NRXN1: variants seen among roughly 807,000 people sequenced by gnomAD.
NRXN1 encodes the protein neurexin-1.
In NRXN1, 39 loss-of-function variants were observed where a neutral mutation model predicts 150.9. That is an observed-to-expected ratio of 0.26 (90% confidence interval 0.20 to 0.34). The LOEUF is 0.34. Ranked by LOEUF, NRXN1 falls within the 10% of genes least tolerant of loss-of-function variation. The pLI, the probability that NRXN1 is intolerant of heterozygous loss-of-function variation, is 1.00. For synonymous variants in NRXN1, 924 were observed against 757.0 expected (o/e 1.22, Z -3.62); for missense variants, 1,815 against 1,949.9 (o/e 0.93, Z 1.30).
chr2:50,521,357 T>C (rs1030192275), intron 12 of NRXN1, among the ~76,000 whole-genome samples: 3 of 152,062 alleles, frequency 2.0e-5, no homozygotes, highest in Admixed American at 6.6e-5. Context: ...AGTTGGAGAG[T>C]GAAGAATTTC....
At chr2:50,050,188 A>C in intron 21 of NRXN1, among the ~76,000 whole-genome samples, 1 of 145,054 alleles carries the variant, frequency 6.9e-6, no homozygotes. Flanking sequence ...TTAAAAGGAT[A>C]TTTACTTTAA....
chr2:50,104,605 C>T (rs1208447428), intron 18 of NRXN1, among the ~76,000 whole-genome samples: 1 of 151,982 alleles, frequency 6.6e-6, no homozygotes, highest in Non-Finnish European at 1.5e-5. Flanking sequence ...TCAGACACTC[C>T]TTCTAAGCAC....
chr2:50,300,072 T>C (rs535677275), intron 17 of NRXN1, among the ~76,000 whole-genome samples: 1 of 152,234 alleles, frequency 6.6e-6, no homozygotes, highest in Admixed American at 6.5e-5. Context: ...ACAGTGTTAA[T>C]TTAGAAAGGA....
In NRXN1 at chr2:50,191,198, G is replaced by GTTTTTTT. The variant is rs199985011; in HGVS notation, c.3546+45590_3546+45591insAAAAAAA. On this transcript the variant is annotated intron_variant, in intron 18 of 22. Transcript: ENST00000401669. ...CACATGCCATCATGCTCAGCTAATT[G>GTTTTTTT]TTTTTTGTTTTTTTTTTTTTTAGTA... Among the ~76,000 whole-genome samples the GTTTTTTT allele has an allele frequency of 2.6e-5, 3 of 117,524 alleles. 1 individual carries two copies. The highest frequency in any genetic ancestry group is 6.1e-5 in the African/African-American group (2 of 32,600). 77.1% of individuals were successfully genotyped at this position (117,524 alleles called of 152,430 possible).
At position 49,920,888 on chromosome 2, in the gene NRXN1, G is replaced by C. The variant is rs1345075195; in HGVS notation, c.*1056C>G. ...AACAGAATGAAGGCTGTACATATAA[G>C]AAAAGAAGTAGCTGAGTCTTTGTAT... On this transcript the variant is annotated 3_prime_UTR_variant, in exon 23 of 23. Coordinates refer to ENST00000401669, the MANE Select transcript of NRXN1 (RefSeq NM_001330078.2). The C allele has an allele frequency of 6.6e-6, 1 of 152,440 alleles. No individual in the cohort carries two copies. The highest frequency in any genetic ancestry group is 1.5e-5 in the Non-Finnish European group (1 of 68,006). The allele number at this position is 152,440 out of a possible 1,614,324, so 9.4% of individuals were successfully genotyped here.
intron 18 of NRXN1, among the ~76,000 whole-genome samples, chr2:50,140,332 C>CA (rs1187209790): frequency 6.6e-6 from 1 of 152,094 alleles, no homozygotes; most frequent in African/African-American, 2.4e-5. Context: ...CAAGAATTTT[C>CA]ATTTTTCAGA....
chr2:50,489,137 C>CT (rs111530772), intron 15 of NRXN1, among the ~76,000 whole-genome samples: 8,308 of 152,202 alleles, frequency 0.055, 790 homozygotes, highest in African/African-American at 0.19. Flanking sequence ...CCACACTTGG[C>CT]GTGGAAAAGC....
In NRXN1 at chr2:50,443,074, A is replaced by C. The variant is rs556769834; in HGVS notation, c.3364+22368T>G. Among the ~76,000 whole-genome samples the C allele has an allele frequency of 1.0e-3, 155 of 152,260 alleles. No individual in the cohort carries two copies. The Middle Eastern group carries it at 0.017, about 17-fold the overall frequency. ...ACATTAGGTTTTATTCATAATTGAA[A>C]ACTTTCACAGAGCTTGGCTGTGAAG... On this transcript the variant is annotated intron_variant, in intron 17 of 22. Coordinates refer to ENST00000401669, the MANE Select transcript of NRXN1 (RefSeq NM_001330078.2).
chr2:50,189,972 T>A (rs2061346835), intron 18 of NRXN1, among the ~76,000 whole-genome samples: 1 of 152,146 alleles, frequency 6.6e-6, no homozygotes, highest in Non-Finnish European at 1.5e-5. Context: ...TATACAATCA[T>A]CTTGAATGAA....
At chr2:50,744,977 T>C (rs901208517) in intron 5 of NRXN1, among the ~76,000 whole-genome samples, 3 of 152,172 alleles carry the variant, frequency 2.0e-5, no homozygotes, top group African/African-American at 7.2e-5. Flanking sequence ...GTGCTTCACA[T>C]GCTGCCCTCT....
intron 21 of NRXN1, among the ~76,000 whole-genome samples, chr2:50,001,557 C>T (rs530279203): frequency 6.6e-6 from 1 of 152,226 alleles, no homozygotes; most frequent in South Asian, 2.1e-4. Context: ...TATTCTGCTG[C>T]TGCCCAGCTG....
intron 5 of NRXN1, among the ~76,000 whole-genome samples, chr2:50,852,035 G>A (rs1173837966): frequency 6.6e-6 from 1 of 152,160 alleles, no homozygotes; most frequent in South Asian, 2.1e-4. Context: ...TGCTAGCAAT[G>A]ATCTGAAAGG....
At chr2:50,895,578 T>TG (rs1327581042) in intron 5 of NRXN1, among the ~76,000 whole-genome samples, 2 of 140,326 alleles carry the variant, frequency 1.4e-5, no homozygotes, top group South Asian at 2.2e-4. Flanking sequence ...GTTTTTTTTG[T>TG]TTGTTTGTCT....
chr2:50,446,419 C>A (rs957153976), intron 17 of NRXN1, among the ~76,000 whole-genome samples: 1 of 132,552 alleles, frequency 7.5e-6, no homozygotes, highest in African/African-American at 2.8e-5. Flanking sequence ...TTCCTTCCTT[C>A]CCTCCTTCCT....
intron 17 of NRXN1, among the ~76,000 whole-genome samples, chr2:50,239,580 A>G (rs2065795913): frequency 6.8e-6 from 1 of 146,790 alleles, no homozygotes; most frequent in South Asian, 2.1e-4. Context: ...ATTTAGTCAT[A>G]AAGATTAACG....
chr2:49,990,104 A>G (rs571234107), intron 21 of NRXN1, among the ~76,000 whole-genome samples: 1 of 149,390 alleles, frequency 6.7e-6, no homozygotes, highest in African/African-American at 2.5e-5. Flanking sequence ...AATAAATTTA[A>G]AAAAAAAAAA....
At chr2:50,381,481 T>C (rs1365795998) in intron 17 of NRXN1, among the ~76,000 whole-genome samples, 2 of 148,358 alleles carry the variant, frequency 1.3e-5, no homozygotes, top group African/African-American at 2.5e-5. Context: ...CAAGTAGAAA[T>C]TGGAATTTAG....
At chr2:49,984,718 A>AACACAAACAC (rs1680603623) in intron 21 of NRXN1, among the ~76,000 whole-genome samples, 1 of 146,844 alleles carries the variant, frequency 6.8e-6, no homozygotes, top group South Asian at 2.2e-4. Context: ...AGAACACACA[A>AACACAAACAC]ACACACACAC....
At chr2:50,061,850 T>A (rs1694587490) in intron 19 of NRXN1, among the ~76,000 whole-genome samples, 1 of 152,194 alleles carries the variant, frequency 6.6e-6, no homozygotes. Flanking sequence ...CATACATGCC[T>A]CTGCCGAAGT....
Sources: allele counts gnomAD v4.1 joint callset (sites outside exome capture counted in the v4.1 genomes callset), GRCh38; gene constraint gnomAD v4.1.1; transcripts MANE v1.5; gene names NCBI Gene and HGNC (gene_info 2026-07-23, HGNC 2026-07-21).